Variants in XIRP2 observed in about 807,000 individuals in gnomAD.
XIRP2 encodes xin actin-binding repeat-containing protein 2.
XIRP2 carries 236 observed loss-of-function variants against 277.0 expected under a neutral mutation model. The observed-to-expected ratio is 0.85, with a 90% CI of 0.77 to 0.95. The LOEUF is 0.95. Ranked by LOEUF, XIRP2 falls within the 40% of genes least tolerant of loss-of-function variation. The probability of loss-of-function intolerance (pLI) is 0.00; values close to 1 mark genes in which losing one functional copy is unlikely to be tolerated. For synonymous variants in XIRP2, 1,490 were observed against 1,416.5 expected (o/e 1.05, Z -1.17); for missense variants, 4,640 against 4,157.5 (o/e 1.12, Z -3.19).
chr2:167,079,005 T>C (rs573430428), intron 2 of XIRP2, among the ~76,000 whole-genome samples: 1 of 152,304 alleles, frequency 6.6e-6, no homozygotes, highest in African/African-American at 2.4e-5. Context: ...TTGTCATACA[T>C]GGCTCTGATT....
At chr2:166,890,637 G>A (rs1219305540) in intron 1 of XIRP2, among the ~76,000 whole-genome samples, 1 of 152,102 alleles carries the variant, frequency 6.6e-6, no homozygotes, top group Non-Finnish European at 1.5e-5. Flanking sequence ...AGCAAATTTT[G>A]CATGCTTCTT....
At chr2:167,252,466 A>G (rs751019333) in intron 9 of XIRP2, among the ~76,000 whole-genome samples, 42 of 151,948 alleles carry the variant, frequency 2.8e-4, no homozygotes, top group Non-Finnish European at 4.4e-4. Flanking sequence ...GACCTTTTAT[A>G]TATTCAACTA....
chr2:167,245,491 A>G lies in XIRP2; in HGVS notation c.4099A>G (p.Thr1367Ala). ...KPLDSINKSETVYVIKSVTQE... is the reference protein window; with the variant it reads ...KPLDSINKSEAVYVIKSVTQE... ...ATTAGACTCTATTAATAAATCAGAA[A>G]CTGTGTATGTTATTAAATCTGTCAC... The change falls in exon 9 of 11, where the codon ACT (threonine) becomes GCT (alanine). Residue 1367 changes from threonine (T) to alanine (A), a missense_variant. Physicochemically the swap from Thr to Ala is moderately conservative, Grantham distance 58. Transcript: ENST00000409195. The G allele has an allele frequency of 1.2e-6, 2 of 1,613,592 alleles. No homozygotes were observed. Among genetic ancestry groups the G allele is most frequent in the South Asian group, 2.2e-5 (2 of 91,068 alleles).
intron 2 of XIRP2, among the ~76,000 whole-genome samples, chr2:167,107,131 A>G (rs1168953536): frequency 6.6e-6 from 1 of 151,780 alleles, no homozygotes; most frequent in Non-Finnish European, 1.5e-5. Flanking sequence ...CAACCAAGTC[A>G]TCTGCAAATA....
chr2:166,896,433 C>A (rs1312808630), intron 1 of XIRP2, among the ~76,000 whole-genome samples: 5 of 151,348 alleles, frequency 3.3e-5, no homozygotes, highest in Non-Finnish European at 7.4e-5. Flanking sequence ...GATCCTGACC[C>A]TGTATAGGCC....
chr2:167,105,646 T>C (rs1377231348), intron 2 of XIRP2, among the ~76,000 whole-genome samples: 6 of 151,908 alleles, frequency 3.9e-5, no homozygotes, highest in African/African-American at 1.4e-4. Context: ...TGTATGAATA[T>C]GAATTTTAAT....
intron 2 of XIRP2, among the ~76,000 whole-genome samples, chr2:166,996,447 A>G (rs1183378598): frequency 1.3e-5 from 2 of 152,148 alleles, no homozygotes; most frequent in East Asian, 1.9e-4. Flanking sequence ...CCTGGCCAAC[A>G]TGGTGAAAAC....
chr2:167,068,734 A>C (rs887568919), intron 2 of XIRP2, among the ~76,000 whole-genome samples: 1 of 152,148 alleles, frequency 6.6e-6, no homozygotes, highest in East Asian at 1.9e-4. Flanking sequence ...GCTCTAGAGC[A>C]AGCTTGTCCA....
In XIRP2 at chr2:167,243,300, T is replaced by C. The variant is rs375413705; in HGVS notation, c.1908T>C (p.Thr636=). 1.9e-6 allele frequency: 3 copies of C among 1,613,524 alleles called. No individual in the cohort carries two copies. The African/African-American group carries it at 4.0e-5, about 22-fold the overall frequency. ...IDTLGAYSSD[T]VENAEKIPEL... The stretch of plus-strand genomic sequence containing the variant: ...CACTTGGGGCTTATTCTTCTGACAC[T>C]GTAGAAAATGCAGAGAAAATTCCTG... The change falls in exon 9 of 11, where the codon ACT becomes ACC. Residue 636 remains threonine (T), a synonymous_variant. Transcript: ENST00000409195.
intron 3 of XIRP2, among the ~76,000 whole-genome samples, chr2:167,162,283 C>A (rs543329488): frequency 6.6e-6 from 1 of 152,320 alleles, no homozygotes; most frequent in South Asian, 2.1e-4. Context: ...TACAGCAGCA[C>A]CCCACTCTAC....
chr2:166,930,285 C>T (rs1685295019), intron 2 of XIRP2, among the ~76,000 whole-genome samples: 2 of 152,104 alleles, frequency 1.3e-5, no homozygotes, highest in South Asian at 4.1e-4. Context: ...ATATGATTTA[C>T]CACCAGACTT....
chr2:166,914,666 A>G (rs896974009), intron 2 of XIRP2, among the ~76,000 whole-genome samples: 1 of 152,160 alleles, frequency 6.6e-6, no homozygotes, highest in Non-Finnish European at 1.5e-5. Context: ...TTTAAGCCAC[A>G]GTGTTTATGG....
intron 2 of XIRP2, among the ~76,000 whole-genome samples, chr2:166,911,822 C>T (rs1035832158): frequency 5.9e-5 from 9 of 152,174 alleles, no homozygotes; most frequent in Admixed American, 3.9e-4. Flanking sequence ...CAAAATCTCT[C>T]AGCATTTGCT....
chr2:167,117,882 A>G (rs901289797), intron 2 of XIRP2, among the ~76,000 whole-genome samples: 3 of 152,214 alleles, frequency 2.0e-5, no homozygotes, highest in African/African-American at 4.8e-5. Flanking sequence ...AAGTTTTGCA[A>G]TAAATGACCT....
intron 2 of XIRP2, among the ~76,000 whole-genome samples, chr2:167,020,946 G>A (rs1056942018): frequency 6.6e-6 from 1 of 151,952 alleles, no homozygotes; most frequent in African/African-American, 2.4e-5. Context: ...TGCTATTCCA[G>A]TGGTCTTCGA....
chr2:166,934,860 A>AT (rs1553471202), intron 2 of XIRP2, among the ~76,000 whole-genome samples: 223 of 139,894 alleles, frequency 1.6e-3, no homozygotes, highest in Non-Finnish European at 2.5e-3. Flanking sequence ...TAAAAAAAAA[A>AT]TTTTTTAAAA....
intron 2 of XIRP2, among the ~76,000 whole-genome samples, chr2:166,971,384 A>G (rs1686573022): frequency 6.6e-6 from 1 of 152,040 alleles, no homozygotes; most frequent in South Asian, 2.1e-4. Context: ...AGGAAAAAAA[A>G]GTATGAAAAT....
chr2:167,258,459 T>C lies in XIRP2; in HGVS notation c.*642T>C. ...GAAAAGAAGGAAGGAAGGAAGAATG[T>C]GCAAGATAGGCCGAGTGAAGCTGAA... On this transcript the variant is annotated 3_prime_UTR_variant, in exon 11 of 11. Transcript: ENST00000409195. The C allele has an allele frequency of 1.2e-6, 2 of 1,613,054 alleles. No individual in the cohort carries two copies. Among genetic ancestry groups the C allele is most frequent in the South Asian group, 1.1e-5 (1 of 91,050 alleles).
chr2:166,919,248 A>G (rs751975275), intron 2 of XIRP2, among the ~76,000 whole-genome samples: 18 of 152,226 alleles, frequency 1.2e-4, no homozygotes, highest in Non-Finnish European at 2.6e-4. Context: ...CTTTATGTTT[A>G]ATGTGTAGTG....
Sources: gnomAD v4.1 joint callset for allele counts (sites outside exome capture counted in the v4.1 genomes callset) on GRCh38, gnomAD v4.1.1 for gene constraint, MANE v1.5 for transcripts, NCBI Gene and HGNC (gene_info 2026-07-23, HGNC 2026-07-21) for gene names.